Variants in RUNX3 observed in about 807,000 individuals in gnomAD.
RUNX3 encodes runt-related transcription factor 3.
In RUNX3, 10 loss-of-function variants were observed where a neutral mutation model predicts 27.7. The observed-to-expected ratio is 0.36, with a 90% CI of 0.22 to 0.61. RUNX3 has a LOEUF of 0.61. RUNX3 is among the 20% of genes least tolerant of loss of function. The pLI is 0.72. For synonymous variants in RUNX3, 270 were observed against 269.2 expected (o/e 1.00, Z -0.03); for missense variants, 469 against 629.5 (o/e 0.75, Z 2.73).
At position 24,964,527 on chromosome 1, in the gene RUNX3, CG is replaced by C; in HGVS notation, c.44del (p.Pro15ArgfsTer36). ...ATTGTTACTCACCGCGGATGAAGGTCGGCGAGTAGGTCGGGAAGGAGTCGAA... is the reference window on the plus strand; with the variant it reads ...ATTGTTACTCACCGCGGATGAAGGTCGCGAGTAGGTCGGGAAGGAGTCGAA... On this transcript the variant is annotated frameshift_variant, in exon 2 of 7. Coordinates refer to the RUNX3 transcript ENST00000338888. LOFTEE classifies it high-confidence loss of function. The C allele has an allele frequency of 6.2e-7, 1 of 1,611,436 alleles. No individual in the cohort carries two copies. The highest frequency in any genetic ancestry group is 1.1e-5 in the South Asian group (1 of 90,332).
At chr1:24,961,911 G>C (rs1399739544) in intron 2 of RUNX3, 3 of 152,242 alleles carry the variant, frequency 2.0e-5, no homozygotes, top group Non-Finnish European at 4.4e-5. Context: ...AAAGCCTGTG[G>C]ACGAGAGAAC....
chr1:24,912,062 G>C (rs1352051705), intron 3 of RUNX3, among the ~76,000 whole-genome samples: 2 of 152,236 alleles, frequency 1.3e-5, no homozygotes, highest in Non-Finnish European at 2.9e-5. Flanking sequence ...CTCACACTGG[G>C]AATAGGACAG....
chr1:24,914,612 A>T (rs1344109903), intron 3 of RUNX3, among the ~76,000 whole-genome samples: 1 of 152,076 alleles, frequency 6.6e-6, no homozygotes, highest in Non-Finnish European at 1.5e-5. Context: ...CCTGGGGTTG[A>T]TTAGGAGAAC....
intron 2 of RUNX3, among the ~76,000 whole-genome samples, chr1:24,942,240 C>G (rs1641496847): frequency 6.6e-6 from 1 of 152,102 alleles, no homozygotes. Flanking sequence ...GGAGTTGGCA[C>G]TAGATTGAAG....
chr1:24,964,804 A>T (rs1017900511), intron 1 of RUNX3: 23 of 1,126,108 alleles, frequency 2.0e-5, no homozygotes, highest in Non-Finnish European at 2.8e-5. Flanking sequence ...GAGAGAAAAA[A>T]ATCCCCAAGG....
intron 4 of RUNX3, among the ~76,000 whole-genome samples, chr1:24,906,995 ACTC>A (rs1158492502): frequency 6.6e-6 from 1 of 151,932 alleles, no homozygotes; most frequent in Non-Finnish European, 1.5e-5. Context: ...GGCACAGTGA[ACTC>A]CTGGTATGCA....
intron 2 of RUNX3, among the ~76,000 whole-genome samples, chr1:24,964,175 G>A (rs2124398133): frequency 6.6e-6 from 1 of 152,354 alleles, no homozygotes; most frequent in East Asian, 1.9e-4. Flanking sequence ...TGGGGCTGCA[G>A]GCCCTGGGGC....
chr1:24,928,238 T>TAA, intron 1 of RUNX3, among the ~76,000 whole-genome samples: 1 of 152,358 alleles, frequency 6.6e-6, no homozygotes, highest in South Asian at 2.1e-4. Flanking sequence ...TTTATTGGCC[T>TAA]CTGCAGAGCC....
exon 1 of RUNX3, chr1:24,964,911 A>C: frequency 2.7e-6 from 1 of 369,404 alleles, no homozygotes; most frequent in Non-Finnish European, 5.0e-6. Flanking sequence ...AGAGTGTATC[A>C]TTAGATGGCG....
At position 24,901,036 on chromosome 1, in the gene RUNX3, G is replaced by GTTTTTTTTTTTTTTTTTTTTTTTTTTT. The variant is rs3085849; in HGVS notation, c.*1085_*1086insAAAAAAAAAAAAAAAAAAAAAAAAAAA. The GTTTTTTTTTTTTTTTTTTTTTTTTTTT allele has an allele frequency of 8.6e-6, 1 of 116,902 alleles. No individual in the cohort carries two copies. Among genetic ancestry groups the GTTTTTTTTTTTTTTTTTTTTTTTTTTT allele is most frequent in the Non-Finnish European group, 1.8e-5 (1 of 56,416 alleles). 7.2% of individuals were successfully genotyped at this position (116,902 alleles called of 1,614,324 possible). ...TGTTTTGTTTTTTTTTTGTTTTTTT[G>GTTTTTTTTTTTTTTTTTTTTTTTTTTT]TTTTTTTTTTTTTTTTGCTCAGGAC... is the stretch of plus-strand genomic sequence containing the variant. On this transcript the variant is annotated 3_prime_UTR_variant, in exon 5 of 5. Transcript: ENST00000308873.
chr1:24,941,356 A>G (rs1468158149), intron 2 of RUNX3, among the ~76,000 whole-genome samples: 3 of 152,234 alleles, frequency 2.0e-5, no homozygotes, highest in Non-Finnish European at 4.4e-5. Context: ...TCAATGCCAA[A>G]GTTGTGCAGC....
rs1404027231 is a variant in RUNX3 at position 24,943,341 on chromosome 1, T to TG, written c.59-13490dup. Reference sequence around the variant, plus strand: ...GCTCCTGGAGACAGGGTCATGGACTTGAGGCTCTGAGACCCTGAGGATGTT... The same window carrying TG: ...GCTCCTGGAGACAGGGTCATGGACTTGGAGGCTCTGAGACCCTGAGGATGTT... On this transcript the variant is annotated intron_variant, in intron 2 of 6. Coordinates refer to the RUNX3 transcript ENST00000338888. This position sits in a 1 kb window ranked among gnomAD's most constrained non-coding sequence, Gnocchi z 4.6. Among the ~76,000 whole-genome samples the TG allele has an allele frequency of 1.3e-5, 2 of 152,168 alleles. No individual in the cohort carries two copies. Among genetic ancestry groups the TG allele is most frequent in the African/African-American group, 4.8e-5 (2 of 41,436 alleles).
At chr1:24,908,340 CTGTT>C (rs1159355559) in intron 3 of RUNX3, among the ~76,000 whole-genome samples, 4 of 152,222 alleles carry the variant, frequency 2.6e-5, no homozygotes, top group Non-Finnish European at 5.9e-5. Context: ...CTACAACACA[CTGTT>C]TGGCAGAAGA....
At chr1:24,931,997 C>T (rs1185289463), upstream of RUNX3, among the ~76,000 whole-genome samples, 1 of 152,244 alleles carries the variant, frequency 6.6e-6, no homozygotes, top group Non-Finnish European at 1.5e-5. Flanking sequence ...CCGGGAACGT[C>T]TCCGAGAAGG....
chr1:24,941,329 G>A (rs529322134), intron 2 of RUNX3, among the ~76,000 whole-genome samples: 135 of 152,350 alleles, frequency 8.9e-4, no homozygotes, highest in Non-Finnish European at 1.3e-3. Flanking sequence ...GCAGAGCTGG[G>A]ATTTGAACCA....
At chr1:24,959,760 C>T (rs1324869972) in intron 2 of RUNX3, among the ~76,000 whole-genome samples, 2 of 152,118 alleles carry the variant, frequency 1.3e-5, no homozygotes, top group Non-Finnish European at 2.9e-5. Flanking sequence ...TTGTCCACCC[C>T]CTGCCTCCAC....
chr1:24,911,443 C>G, intron 3 of RUNX3, among the ~76,000 whole-genome samples: 1 of 152,206 alleles, frequency 6.6e-6, no homozygotes, highest in East Asian at 1.9e-4. Flanking sequence ...GTCTGGTGGC[C>G]TCACTCAAGT....
chr1:24,908,494 A>C (rs1385252747), intron 3 of RUNX3, among the ~76,000 whole-genome samples: 2 of 152,090 alleles, frequency 1.3e-5, no homozygotes, highest in African/African-American at 4.8e-5. Context: ...AAAAATTAAA[A>C]AAAAAAAAGA....
At chr1:24,912,057 A>T (rs1033823913) in intron 3 of RUNX3, among the ~76,000 whole-genome samples, 12 of 152,248 alleles carry the variant, frequency 7.9e-5, no homozygotes, top group African/African-American at 2.4e-4. Flanking sequence ...GGGCTCTCAC[A>T]CTGGGAATAG....
Sources: allele counts gnomAD v4.1 joint callset (sites outside exome capture counted in the v4.1 genomes callset), GRCh38; gene constraint gnomAD v4.1.1; non-coding constraint Gnocchi (gnomAD v3.1); transcripts MANE v1.5; gene names NCBI Gene and HGNC (gene_info 2026-07-23, HGNC 2026-07-21).